UMOD: variants seen among roughly 807,000 people sequenced by gnomAD.
UMOD encodes Tamm-Horsfall urinary glycoprotein.
In UMOD, 64 loss-of-function variants were observed where a neutral mutation model predicts 66.0. The observed-to-expected ratio is 0.97, with a 90% CI of 0.79 to 1.19. The LOEUF is 1.19. Ranked by LOEUF, UMOD falls within the 50% of genes most tolerant of loss-of-function variation. The pLI, the probability that UMOD is intolerant of heterozygous loss-of-function variation, is 0.00. For synonymous variants in UMOD, 398 were observed against 352.7 expected (o/e 1.13, Z -1.44); for missense variants, 764 against 850.9 (o/e 0.90, Z 1.27).
In UMOD at chr16:20,337,298, C is replaced by T; in HGVS notation, c.1733G>A (p.Cys578Tyr). Residue 578 changes from cysteine (C) to tyrosine (Y), a missense_variant, in exon 8 of 11, where the codon TGC becomes TAC. By Grantham distance (194) the Cys-to-Tyr change is radical. Transcript: ENST00000396138. Reference sequence around the variant, plus strand: ...GGAGGGGAGTCAACTCACAGGCTTGCACTTTTCATTCATGGTGTCACAGAG... The same window carrying T: ...GGAGGGGAGTCAACTCACAGGCTTGTACTTTTCATTCATGGTGTCACAGAG... ...VYLCDTMNEK[C>Y]KPTCSGTRFR... is the part of the protein sequence containing the mutation. 1 of 1,614,182 alleles carries T rather than the reference C, an allele frequency of 6.2e-7. No individual in the cohort carries two copies. The highest frequency in any genetic ancestry group is 8.5e-7 in the Non-Finnish European group (1 of 1,180,024).
Position 20,348,938 on chromosome 16 carries a change from G to A in UMOD, c.363C>T (p.His121=). The A allele has an allele frequency of 6.4e-7, 1 of 1,572,080 alleles. No individual in the cohort carries two copies. Among genetic ancestry groups the A allele is most frequent in the Non-Finnish European group, 8.6e-7 (1 of 1,158,886 alleles). The change falls in exon 3 of 11, where the codon CAC becomes CAT. Residue 121 remains histidine (H), a synonymous_variant. Coordinates refer to ENST00000396138, the MANE Select transcript of UMOD (RefSeq NM_003361.4). ...ECAEPGLSHC[H]ALATCVNVVG... Reference sequence around the variant, plus strand: ...CCACATTGACACATGTGGCCAGGGCGTGGCAGTGGCTAAGCCCAGGCTCAG... The same window carrying A: ...CCACATTGACACATGTGGCCAGGGCATGGCAGTGGCTAAGCCCAGGCTCAG...
chr16:20,350,518 G>T (rs1178178496), intron 2 of UMOD, 132 bp downstream of exon 2: 10 of 1,208,700 alleles, frequency 8.3e-6, no homozygotes, highest in African/African-American at 1.5e-5. Context: ...GACTTAGAAT[G>T]AAGACAATGC....
chr16:20,352,687 A>C lies in UMOD; in HGVS notation c.-103+2T>G. 1 of 1,231,708 alleles carries C rather than the reference A, an allele frequency of 8.1e-7. No homozygotes were observed. The highest frequency in any genetic ancestry group is 1.0e-6 in the Non-Finnish European group (1 of 987,948). 76.3% of individuals were successfully genotyped at this position (1,231,708 alleles called of 1,614,324 possible). On this transcript the variant is annotated splice_donor_variant, in intron 1 of 10. Transcript: ENST00000396138. LOFTEE classifies it low-confidence loss of function (5UTR_SPLICE). ...GGAGAAGACAGCTACAGATAGCCTT[A>C]CCTGAAGCCAGAAAGGTAGAGTTAG...
intron 6 of UMOD, among the ~76,000 whole-genome samples, chr16:20,343,132 T>C (rs1369181175): frequency 6.6e-6 from 1 of 151,246 alleles, no homozygotes; most frequent in Non-Finnish European, 1.5e-5. Flanking sequence ...TCCGTCTCAA[T>C]AAATAAATAA....
chr16:20,352,010 T>TCC (rs11284615), intron 1 of UMOD, among the ~76,000 whole-genome samples: 111 of 87,322 alleles, frequency 1.3e-3, no homozygotes, highest in Middle Eastern at 8.3e-3. Context: ...AGAGAGTCCA[T>TCC]CCCCCCCCCC....
intron 2 of UMOD, chr16:20,349,910 T>A: frequency 6.6e-7 from 1 of 1,512,154 alleles, no homozygotes; most frequent in East Asian, 2.5e-5. Flanking sequence ...AAAGAAGCTG[T>A]TGTTTATTAA....
intron 10 of UMOD, 97 bp from the exon 11 acceptor site, chr16:20,333,472 G>T (rs1964699270): frequency 8.5e-7 from 1 of 1,170,476 alleles, no homozygotes. Flanking sequence ...ATCAGAAGAG[G>T]ACACCCTCTC....
chr16:20,354,486 G>C (rs1352687665), upstream of UMOD, among the ~76,000 whole-genome samples: 1 of 151,896 alleles, frequency 6.6e-6, no homozygotes, highest in Non-Finnish European at 1.5e-5. Context: ...GTTCATTTTT[G>C]CAATTCTTTG....
chr16:20,346,164 T>C lies in UMOD; in HGVS notation c.1144A>G (p.Thr382Ala), dbSNP rs368782191. 4.3e-6 allele frequency: 7 copies of C among 1,614,014 alleles called. No individual in the cohort carries two copies. In the African/African-American group the frequency reaches 9.3e-5, roughly 22 times the overall value. Residue 382 changes from threonine to alanine, a missense_variant, in exon 5 of 11, where the codon ACC becomes GCC. Physicochemically the swap from Thr to Ala is moderately conservative, Grantham distance 58. Coordinates refer to ENST00000396138, the MANE Select transcript of UMOD (RefSeq NM_003361.4). The part of the protein sequence containing the change: ...RDNRDWVSVV[T>A]PARDGPCGTV... ...CCACAGGGGCCATCCCGGGCTGGGG[T>C]CACTACAGACACCCAGTCCCGGTTG... is the stretch of plus-strand genomic sequence containing the variant.
chr16:20,337,911 C>T (rs1964972754), intron 7 of UMOD, among the ~76,000 whole-genome samples: 2 of 152,094 alleles, frequency 1.3e-5, no homozygotes, highest in South Asian at 4.1e-4. Flanking sequence ...CCCATCTGCA[C>T]GTATACACAA....
intron 2 of UMOD, chr16:20,349,645 C>T (rs886639320): frequency 6.9e-7 from 1 of 1,441,330 alleles, no homozygotes; most frequent in East Asian, 2.5e-5. Context: ...TTAAGCATTG[C>T]TTTCAAGCTG....
chr16:20,353,982 C>T (rs1390029222), upstream of UMOD, among the ~76,000 whole-genome samples: 2 of 152,132 alleles, frequency 1.3e-5, no homozygotes, highest in Non-Finnish European at 1.5e-5. Flanking sequence ...GTTCAATTCC[C>T]ACCTGTGAGT....
At position 20,348,308 on chromosome 16, in the gene UMOD, C is replaced by A. The variant is rs773693463; in HGVS notation, c.888G>T (p.Thr296=). The A allele has an allele frequency of 1.9e-6, 3 of 1,614,122 alleles. No individual in the cohort carries two copies. Among genetic ancestry groups the A allele is most frequent in the African/African-American group, 1.3e-5 (1 of 74,940 alleles). ...YCTDPSSVEG[T]CEECSIDEDC... ...CCTCGTCTATACTGCACTCCTCACA[C>A]GTCCCCTCCACGGAGCTGGGGTCTG... Residue 296 remains threonine, a synonymous_variant, in exon 4 of 11, where the codon ACG becomes ACT. Coordinates refer to ENST00000396138, the MANE Select transcript of UMOD (RefSeq NM_003361.4).
Position 20,336,671 on chromosome 16 carries a change from C to T in UMOD, c.1797G>A (p.Leu599=), listed in dbSNP as rs1162461153. Residue 599 remains leucine (L), a synonymous_variant, in exon 9 of 11, where the codon CTG becomes CTA. Coordinates refer to ENST00000396138, the MANE Select transcript of UMOD (RefSeq NM_003361.4). The stretch of plus-strand genomic sequence containing the variant: ...CTTTCCGTGTGATGGGACCCAAGTT[C>T]AGGACACGGGATTGATCTATGACAC... ...SGSVIDQSRV[L]NLGPITRKGV... 6.2e-7 allele frequency: 1 copy of T among 1,614,096 alleles called. No homozygotes were observed.
chr16:20,338,193 G>A, intron 7 of UMOD, among the ~76,000 whole-genome samples: 1 of 152,180 alleles, frequency 6.6e-6, no homozygotes, highest in East Asian at 1.9e-4. Context: ...GACTCTGCCT[G>A]GCAAGAGAAA....
At chr16:20,347,025 C>CT (rs71149134) in intron 4 of UMOD, among the ~76,000 whole-genome samples, 20,098 of 151,874 alleles carry the variant, frequency 0.13, 1,544 homozygotes, top group Non-Finnish European at 0.16. Flanking sequence ...CTCTCTCTCT[C>CT]TTTTTTTTGA....
rs111992415 is a variant in UMOD, at chr16:20,336,714, G to A, written c.1754C>T (p.Thr585Ile). ...TATGACACTCCCACTTCGGAATCTG[G>A]TCCCAGAGCAGGTCTACAGGGAGAG... ...NEKCKPTCSG[T>I]RFRSGSVIDQ... Residue 585 changes from threonine to isoleucine, a missense_variant, in exon 9 of 11, where the codon ACC becomes ATC. Thr to Ile is a moderately conservative substitution (Grantham distance 89). Coordinates refer to ENST00000396138, the MANE Select transcript of UMOD (RefSeq NM_003361.4). The A allele has an allele frequency of 6.8e-4, 1,105 of 1,614,124 alleles. 4 individuals are homozygous for A. The African/African-American group carries it at 0.013, about 18-fold the overall frequency.
At chr16:20,337,675 T>C (rs1294953065) in intron 7 of UMOD, among the ~76,000 whole-genome samples, 5 of 152,188 alleles carry the variant, frequency 3.3e-5, no homozygotes, top group Non-Finnish European at 7.3e-5. Context: ...TCAAAGTGCG[T>C]AGAACTGTGT....
rs1427164259 is a variant in UMOD, at chr16:20,346,334, T to A, written c.974A>T (p.Asp325Val). 1.2e-6 allele frequency: 2 copies of A among 1,614,100 alleles called. No homozygotes were observed. Among genetic ancestry groups the A allele is most frequent in the Non-Finnish European group, 1.7e-6 (2 of 1,180,050 alleles). The change falls in exon 5 of 11, where the codon GAT (aspartate) becomes GTT (valine). Residue 325 changes from aspartate to valine, a missense_variant and splice_region_variant. Physicochemically the swap from Asp to Val is radical, Grantham distance 152 (BLOSUM62 -3). Transcript: ENST00000396138. Reference protein sequence around the residue: ...CQCKQDFNITDISLLEHRLEC... With the variant: ...CQCKQDFNITVISLLEHRLEC... Reference sequence around the variant, plus strand: ...CAGCCTGTGCTCCAGGAGGGAGATATCTGAAACAGGTTAGGTGGGATTGAG... The same window carrying A: ...CAGCCTGTGCTCCAGGAGGGAGATAACTGAAACAGGTTAGGTGGGATTGAG...
Sources: allele counts gnomAD v4.1 joint callset (sites outside exome capture counted in the v4.1 genomes callset), GRCh38; gene constraint gnomAD v4.1.1; transcripts MANE v1.5; gene names NCBI Gene and HGNC (gene_info 2026-07-23, HGNC 2026-07-21).